Variants in GON4L observed in about 807,000 individuals in gnomAD.
GON4L encodes GON-4-like protein.
A neutral mutation model predicts 211.8 loss-of-function variants in GON4L; 87 were observed. The observed-to-expected ratio is 0.41, with a 90% CI of 0.35 to 0.49. The LOEUF (loss-of-function observed/expected upper bound fraction) is 0.49. Among genes scored for constraint, GON4L ranks in the 20% least tolerant of loss-of-function variants. The pLI, the probability that GON4L is intolerant of heterozygous loss-of-function variation, is 0.15. For synonymous variants in GON4L, 875 were observed against 962.6 expected (o/e 0.91, Z 1.68); for missense variants, 2,155 against 2,659.5 (o/e 0.81, Z 4.17).
chr1:155,815,398 G>T (rs984065106), intron 8 of GON4L, among the ~76,000 whole-genome samples: 2 of 152,098 alleles, frequency 1.3e-5, no homozygotes, highest in African/African-American at 4.8e-5. Context: ...ACAGTGTGTA[G>T]AGATACATAT....
intron 11 of GON4L, among the ~76,000 whole-genome samples, chr1:155,804,062 C>T (rs909052333): frequency 4.6e-5 from 7 of 152,138 alleles, no homozygotes; most frequent in Admixed American, 4.6e-4. Context: ...TTTGGTAAAT[C>T]ACTGAACCCT....
chr1:155,787,640 G>A (rs1250706063), intron 12 of GON4L, among the ~76,000 whole-genome samples: 1 of 152,124 alleles, frequency 6.6e-6, no homozygotes. Flanking sequence ...AGGCATGGTG[G>A]CATGCACCTG....
At chr1:155,797,668 A>AC (rs66502933) in intron 11 of GON4L, among the ~76,000 whole-genome samples, 3,308 of 143,266 alleles carry the variant, frequency 0.023, 39 homozygotes, top group Non-Finnish European at 0.032. Flanking sequence ...ACATGGTGAG[A>AC]CCCCCCCCCT....
At chr1:155,858,212 T>C (rs1002470526), upstream of GON4L, among the ~76,000 whole-genome samples, 4 of 152,162 alleles carry the variant, frequency 2.6e-5, no homozygotes, top group Non-Finnish European at 5.9e-5. Flanking sequence ...TAAAATGATG[T>C]TATTTCCACT....
intron 13 of GON4L, 130 bp from the exon 14 acceptor site, chr1:155,784,219 G>A: frequency 7.8e-7 from 1 of 1,280,870 alleles, no homozygotes; most frequent in Non-Finnish European, 1.1e-6. Flanking sequence ...AAGAGCCAAT[G>A]TCAGAACTTT....
chr1:155,853,652 A>C lies in GON4L; in HGVS notation c.129T>G (p.Ser43Arg), dbSNP rs1483835949. The C allele has an allele frequency of 6.2e-7, 1 of 1,614,042 alleles. No homozygotes were observed. The highest frequency in any genetic ancestry group is 8.5e-7 in the Non-Finnish European group (1 of 1,179,954). ...KPESDQVKDL[S>R]SVSLSWDPSH... ...TTGGATCCCAGGATAGTGACACCGA[A>C]CTCAAGTCCTTAACCTGGTCAGATT... The change falls in exon 2 of 32, where the codon AGT (serine) becomes AGG (arginine). Residue 43 changes from serine (S) to arginine (R), a missense_variant. Ser to Arg is a moderately radical substitution (Grantham distance 110). Coordinates refer to ENST00000368331, the MANE Select transcript of GON4L (RefSeq NM_001282860.2).
chr1:155,849,207 G>C (rs1305000540), intron 2 of GON4L, among the ~76,000 whole-genome samples: 5 of 148,224 alleles, frequency 3.4e-5, no homozygotes, highest in African/African-American at 1.3e-4. Flanking sequence ...TGTAATCCCA[G>C]CACTTTGGGA....
intron 11 of GON4L, among the ~76,000 whole-genome samples, chr1:155,797,668 A>ACCCCCCCCCC (rs66502933): frequency 4.2e-5 from 6 of 143,524 alleles, no homozygotes; most frequent in Non-Finnish European, 6.1e-5. Flanking sequence ...ACATGGTGAG[A>ACCCCCCCCCC]CCCCCCCCCT....
At chr1:155,790,591 T>C (rs1204478453) in intron 12 of GON4L, among the ~76,000 whole-genome samples, 1 of 152,124 alleles carries the variant, frequency 6.6e-6, no homozygotes, top group East Asian at 1.9e-4. Context: ...ATTTTCAAGG[T>C]TGGTTGAATC....
chr1:155,812,748 G>T (rs1667907710), intron 10 of GON4L, among the ~76,000 whole-genome samples: 1 of 151,962 alleles, frequency 6.6e-6, no homozygotes, highest in African/African-American at 2.4e-5. Context: ...TCGAGATGGG[G>T]GTTTCACCAT....
At chr1:155,766,983 T>C in intron 20 of GON4L, 1 of 556,564 alleles carries the variant, frequency 1.8e-6, no homozygotes, top group Non-Finnish European at 3.1e-6. Context: ...GAGGCAGAGG[T>C]TGCGAGAAGC....
At chr1:155,815,250 T>C (rs190946662) in intron 8 of GON4L, among the ~76,000 whole-genome samples, 119 of 152,058 alleles carry the variant, frequency 7.8e-4, no homozygotes, top group African/African-American at 2.7e-3. Flanking sequence ...AACACAGCAA[T>C]GAAAGGGAAC....
intron 2 of GON4L, among the ~76,000 whole-genome samples, chr1:155,847,946 A>G (rs1211882546): frequency 6.6e-6 from 1 of 152,162 alleles, no homozygotes; most frequent in East Asian, 1.9e-4. Flanking sequence ...CTGCCATGAC[A>G]GTTTACAAAT....
At chr1:155,756,300 CA>C (rs1439501846) in intron 27 of GON4L, among the ~76,000 whole-genome samples, 1 of 152,032 alleles carries the variant, frequency 6.6e-6, no homozygotes, top group Non-Finnish European at 1.5e-5. Context: ...TTTTTAATAA[CA>C]AGCTCATCCT....
In GON4L at chr1:155,750,507, A is replaced by C. The variant is rs1357687029; in HGVS notation, c.*77T>G. 11 of 1,291,730 alleles carry C rather than the reference A, an allele frequency of 8.5e-6. No individual in the cohort carries two copies. In the South Asian group the frequency reaches 1.1e-4, roughly 13 times the overall value. The allele number at this position is 1,291,730 out of a possible 1,614,324, so 80.0% of individuals were successfully genotyped here. A position where few individuals can be genotyped will look rare whatever the true frequency, so the allele number is the denominator to read the frequency against. On this transcript the variant is annotated 3_prime_UTR_variant, in exon 32 of 32. Coordinates refer to ENST00000368331, the MANE Select transcript of GON4L (RefSeq NM_001282860.2). The stretch of plus-strand genomic sequence containing the variant: ...TGTAAACTGGGCTCAAGGACTGTAC[A>C]AGCAGAGTACAACTACCCCCTCCCC...
downstream of GON4L, chr1:155,749,227 G>A (rs1660373889): frequency 4.0e-6 from 6 of 1,493,986 alleles, no homozygotes; most frequent in South Asian, 6.1e-5. Flanking sequence ...ACTCCAGTCT[G>A]GGCAACAAGA....
rs1222976644 is a variant in GON4L, at chr1:155,853,626, C to T, written c.155G>A (p.Ser52Asn). The stretch of plus-strand genomic sequence containing the variant: ...TTCGAAGCCAGCTACTCTGCCATGA[C>T]TTGGATCCCAGGATAGTGACACCGA... Reference protein sequence around the residue: ...LSSVSLSWDPSHGRVAGFEVQ... With the variant: ...LSSVSLSWDPNHGRVAGFEVQ... Residue 52 changes from serine to asparagine, a missense_variant, in exon 2 of 32, where the codon AGT becomes AAT. Physicochemically the swap from Ser to Asn is conservative, Grantham distance 46. Around this residue, in one of 6 missense-constraint regions of GON4L, gnomAD observed 313 missense variants for 293.2 expected, o/e 1.07. Transcript: ENST00000368331. 6.8e-6 allele frequency: 11 copies of T among 1,614,086 alleles called. No individual in the cohort carries two copies. The highest frequency in any genetic ancestry group is 9.3e-6 in the Non-Finnish European group (11 of 1,180,020).
chr1:155,798,401 GC>G (rs1329859390), intron 11 of GON4L, among the ~76,000 whole-genome samples: 1 of 146,790 alleles, frequency 6.8e-6, no homozygotes, highest in African/African-American at 2.5e-5. Flanking sequence ...TCTCTTCACA[GC>G]AAGTTCTTTT....
In GON4L at chr1:155,760,487, A is replaced by G. The variant is rs1453631012; in HGVS notation, c.5066T>C (p.Phe1689Ser). ...LQDWPQLLKD[F>S]AAFLLPEQAL... ...TTGCTCAGGTAACAGGAAAGCAGCA[A>G]AGTCTTTCAACAGCTGAGGCCAGTC... Residue 1689 changes from phenylalanine (F) to serine (S), a missense_variant, in exon 24 of 32, where the codon TTT becomes TCT. By Grantham distance (155) the Phe-to-Ser change is radical. Coordinates refer to ENST00000368331, the MANE Select transcript of GON4L (RefSeq NM_001282860.2). The G allele has an allele frequency of 6.2e-7, 1 of 1,612,926 alleles. No homozygotes were observed. The highest frequency in any genetic ancestry group is 1.7e-5 in the Admixed American group (1 of 59,970).
Sources: gnomAD v4.1 joint callset for allele counts (sites outside exome capture counted in the v4.1 genomes callset) on GRCh38, gnomAD v4.1.1 for gene constraint, gnomAD v4.1.1 regional missense constraint, MANE v1.5 for transcripts, NCBI Gene and HGNC (gene_info 2026-07-23, HGNC 2026-07-21) for gene names.